Variants in PDCD10 observed in about 807,000 individuals in gnomAD.
PDCD10 encodes programmed cell death 10.
A neutral mutation model predicts 29.2 loss-of-function variants in PDCD10; 4 were observed. The ratio of observed to expected loss-of-function variants is 0.14; its 90% CI spans 0.07 to 0.31. The LOEUF (loss-of-function observed/expected upper bound fraction) is 0.31. PDCD10 is among the 10% of genes least tolerant of loss of function. PDCD10 has a pLI of 1.00. For synonymous variants in PDCD10, 70 were observed against 82.2 expected, an observed-to-expected ratio of 0.85 and a Z score of 0.80; for missense variants, 183 against 257.9, an observed-to-expected ratio of 0.71 and a Z score of 1.99.
Position 167,720,217 on chromosome 3 carries a change from G to A in PDCD10, c.-60C>T. ...AAATGCAGAGGAATCTTCATTCACT[G>A]CAATATTTCTTCTCTTTTTTGGTGA... On this transcript the variant is annotated 5_prime_UTR_variant, in exon 3 of 9. Transcript: ENST00000392750. 9.5e-7 allele frequency: 1 copy of A among 1,048,760 alleles called. No homozygotes were observed. The highest frequency in any genetic ancestry group is 1.3e-5 in the South Asian group (1 of 79,152). The allele number at this position is 1,048,760 out of a possible 1,614,324, so 65.0% of individuals were successfully genotyped here.
intron 4 of PDCD10, among the ~76,000 whole-genome samples, chr3:167,701,867 AC>A (rs1164639454): frequency 6.6e-6 from 1 of 152,222 alleles, no homozygotes; most frequent in Non-Finnish European, 1.5e-5. Context: ...CAACAGAGCC[AC>A]GGAAATCATG....
intron 3 of PDCD10, among the ~76,000 whole-genome samples, chr3:167,710,509 G>A (rs1306943219): frequency 6.6e-6 from 1 of 152,146 alleles, no homozygotes; most frequent in Non-Finnish European, 1.5e-5. Context: ...TTTGTCTTGT[G>A]CTTTCAGTGC....
At chr3:167,698,531 G>A (rs1026678001) in intron 4 of PDCD10, among the ~76,000 whole-genome samples, 3 of 148,148 alleles carry the variant, frequency 2.0e-5, no homozygotes, top group South Asian at 2.1e-4. Flanking sequence ...ATAAGACCTC[G>A]TATTAAAAAC....
intron 2 of PDCD10, among the ~76,000 whole-genome samples, chr3:167,728,762 A>G (rs1224516706): frequency 6.6e-6 from 1 of 152,204 alleles, no homozygotes; most frequent in Non-Finnish European, 1.5e-5. Flanking sequence ...AGTCTAAGTC[A>G]GCAACAGTGT....
At chr3:167,689,738 T>C (rs1720013139) in intron 6 of PDCD10, among the ~76,000 whole-genome samples, 1 of 152,100 alleles carries the variant, frequency 6.6e-6, no homozygotes, top group Admixed American at 6.6e-5. Flanking sequence ...GGAGCTAAGG[T>C]TTAATGCCTT....
chr3:167,714,217 C>T (rs1464935893), intron 3 of PDCD10, among the ~76,000 whole-genome samples: 3 of 152,072 alleles, frequency 2.0e-5, no homozygotes, highest in Non-Finnish European at 4.4e-5. Flanking sequence ...TCCCAGGACG[C>T]AAGGATGGTT....
intron 6 of PDCD10, among the ~76,000 whole-genome samples, chr3:167,692,981 A>G (rs575285467): frequency 2.2e-4 from 33 of 152,320 alleles, no homozygotes; most frequent in Non-Finnish European, 3.7e-4. Flanking sequence ...TGTGACACAG[A>G]TTTTGGCTAT....
chr3:167,733,107 A>C (rs757730989), intron 2 of PDCD10, among the ~76,000 whole-genome samples: 1 of 152,204 alleles, frequency 6.6e-6, no homozygotes, highest in Non-Finnish European at 1.5e-5. Flanking sequence ...TTTTCCATTA[A>C]AAAGTGAAGC....
At chr3:167,706,938 T>C (rs529527426) in intron 3 of PDCD10, among the ~76,000 whole-genome samples, 1 of 152,344 alleles carries the variant, frequency 6.6e-6, no homozygotes, top group South Asian at 2.1e-4. Context: ...AGTTTGACTC[T>C]GAATCCTGTA....
At chr3:167,726,144 A>C (rs1724147459) in intron 2 of PDCD10, among the ~76,000 whole-genome samples, 1 of 120,030 alleles carries the variant, frequency 8.3e-6, no homozygotes. Flanking sequence ...TTTTTGAGAC[A>C]GAGTTTCACT....
chr3:167,711,606 A>G (rs1443992168), intron 3 of PDCD10, among the ~76,000 whole-genome samples: 1 of 152,182 alleles, frequency 6.6e-6, no homozygotes, highest in Admixed American at 6.5e-5. Context: ...GTGTATTCAA[A>G]GTGATAACAA....
In PDCD10 at chr3:167,708,422, T is replaced by C. The variant is rs1473227381; in HGVS notation, c.97-3527A>G. Among the ~76,000 whole-genome samples, 3 of 152,182 alleles carry C rather than the reference T, an allele frequency of 2.0e-5. No homozygotes were observed. In the East Asian group the frequency reaches 5.8e-4, roughly 29 times the overall value. On this transcript the variant is annotated intron_variant, in intron 3 of 8. Coordinates refer to ENST00000392750, the MANE Select transcript of PDCD10 (RefSeq NM_007217.4). ...TAACTGGTTTTGAATTGTGTACAAATCTACTTGCTTCCTCAAAATCAGGCA... is the reference window on the plus strand; with the variant it reads ...TAACTGGTTTTGAATTGTGTACAAACCTACTTGCTTCCTCAAAATCAGGCA...
chr3:167,716,951 C>A (rs1383759897), intron 3 of PDCD10, among the ~76,000 whole-genome samples: 5 of 152,098 alleles, frequency 3.3e-5, no homozygotes, highest in African/African-American at 1.2e-4. Context: ...ATTCTCTCCT[C>A]CCCGATATAC....
intron 3 of PDCD10, among the ~76,000 whole-genome samples, chr3:167,712,280 T>A (rs1025053787): frequency 2.0e-5 from 3 of 152,104 alleles, no homozygotes; most frequent in Admixed American, 2.0e-4. Context: ...ATAGAGATTT[T>A]ATTAGTTTTC....
intron 4 of PDCD10, among the ~76,000 whole-genome samples, chr3:167,702,425 T>G (rs191246724): frequency 6.6e-6 from 1 of 152,194 alleles, no homozygotes; most frequent in Non-Finnish European, 1.5e-5. Context: ...ATGTAATATA[T>G]AGGATACACA....
At chr3:167,697,943 T>C in intron 4 of PDCD10, 1 of 456,706 alleles carries the variant, frequency 2.2e-6, no homozygotes, top group Non-Finnish European at 4.4e-6. Flanking sequence ...CTGCCAATTT[T>C]AATCATTATG....
chr3:167,723,288 T>C (rs1490169596), intron 2 of PDCD10, among the ~76,000 whole-genome samples: 1 of 152,228 alleles, frequency 6.6e-6, no homozygotes, highest in Non-Finnish European at 1.5e-5. Context: ...GAGCCTGCTA[T>C]GGAAACAGCA....
At chr3:167,718,746 T>C (rs1162974236) in intron 3 of PDCD10, among the ~76,000 whole-genome samples, 2 of 151,364 alleles carry the variant, frequency 1.3e-5, no homozygotes, top group African/African-American at 4.9e-5. Flanking sequence ...CTTCAGCAGC[T>C]ATCTTGTATG....
intron 6 of PDCD10, among the ~76,000 whole-genome samples, chr3:167,693,264 G>C (rs1451454974): frequency 6.6e-6 from 1 of 152,116 alleles, no homozygotes; most frequent in Non-Finnish European, 1.5e-5. Context: ...GTTGTGTTGA[G>C]GATCAGTACA....
Sources: gnomAD v4.1 joint callset for allele counts (sites outside exome capture counted in the v4.1 genomes callset) on GRCh38, gnomAD v4.1.1 for gene constraint, MANE v1.5 for transcripts, NCBI Gene and HGNC (gene_info 2026-07-23, HGNC 2026-07-21) for gene names.